The following AQP7B variants were observed in gnomAD, a reference collection of about 807,000 sequenced individuals.
AQP7B encodes the protein aquaporin 7B.
chr2:94,590,552 G>A, the AQP7B span, among the ~76,000 whole-genome samples: 12 of 152,062 alleles, frequency 7.9e-5, no homozygotes, highest in Non-Finnish European at 1.5e-4. Flanking sequence ...GTGGTTAGTT[G>A]GATAGTTTAT....
At chr2:94,588,989 T>C in the AQP7B span, among the ~76,000 whole-genome samples, 5 of 149,296 alleles carry the variant, frequency 3.3e-5, no homozygotes, top group Admixed American at 1.3e-4. Context: ...TTTTCTTTTT[T>C]TTTTTTTTTT....
chr2:94,595,565 T>C, the AQP7B span, among the ~76,000 whole-genome samples: 2 of 151,846 alleles, frequency 1.3e-5, no homozygotes, highest in African/African-American at 4.8e-5. Context: ...ATGATCAGAT[T>C]TGGATTTTAA....
At chr2:94,598,835 C>G in the AQP7B span, among the ~76,000 whole-genome samples, 6 of 152,162 alleles carry the variant, frequency 3.9e-5, no homozygotes, top group Non-Finnish European at 7.3e-5. Context: ...GAGACAGAGT[C>G]TGACCCTGTT....
the AQP7B span, among the ~76,000 whole-genome samples, chr2:94,597,862 C>T: frequency 1.3e-5 from 2 of 152,140 alleles, no homozygotes; most frequent in African/African-American, 4.8e-5. Flanking sequence ...ACCTCGGCCT[C>T]CCAAAGTGCT....
chr2:94,598,499 C>A, the AQP7B span, among the ~76,000 whole-genome samples: 3 of 152,126 alleles, frequency 2.0e-5, no homozygotes, highest in Non-Finnish European at 2.9e-5. Flanking sequence ...GGTTGTAGAT[C>A]ACATGCTATG....
At chr2:94,603,834 C>G in the AQP7B span, 215 of 1,470,750 alleles carry the variant, frequency 1.5e-4, no homozygotes, top group Non-Finnish European at 1.8e-4. Flanking sequence ...TCAGGGTGTC[C>G]CATGGCATAA....
At chr2:94,590,643 G>T in the AQP7B span, among the ~76,000 whole-genome samples, 1 of 152,032 alleles carries the variant, frequency 6.6e-6, no homozygotes, top group Non-Finnish European at 1.5e-5. Flanking sequence ...TGATAGGTTA[G>T]TCAAAGGGTT....
At chr2:94,601,318 A>T in the AQP7B span, among the ~76,000 whole-genome samples, 1 of 152,186 alleles carries the variant, frequency 6.6e-6, no homozygotes, top group Non-Finnish European at 1.5e-5. Flanking sequence ...GGGAACATAG[A>T]GTGAGGAGCA....
At chr2:94,603,916 A>T in the AQP7B span, 2 of 1,293,236 alleles carry the variant, frequency 1.5e-6, no homozygotes, top group Admixed American at 3.5e-5. Flanking sequence ...TGGCTGGGGC[A>T]AACAGGTCTT....
At chr2:94,598,928 G>C in the AQP7B span, among the ~76,000 whole-genome samples, 1 of 152,042 alleles carries the variant, frequency 6.6e-6, no homozygotes, top group African/African-American at 2.4e-5. Flanking sequence ...TCAGCCTCCC[G>C]AGTAGCTGGG....
At chr2:94,595,588 G>C in the AQP7B span, among the ~76,000 whole-genome samples, 4 of 152,082 alleles carry the variant, frequency 2.6e-5, no homozygotes, top group Non-Finnish European at 5.9e-5. Flanking sequence ...GTAATTTTGG[G>C]TGCAGTGTGG....
chr2:94,603,162 A>G, the AQP7B span: 1 of 1,517,632 alleles, frequency 6.6e-7, no homozygotes, highest in Non-Finnish European at 9.0e-7. Flanking sequence ...CACCATCTAC[A>G]GTCTCTTCTA....
the AQP7B span, among the ~76,000 whole-genome samples, chr2:94,600,067 C>T: frequency 6.6e-5 from 10 of 151,654 alleles, no homozygotes; most frequent in Non-Finnish European, 7.4e-5. Flanking sequence ...TTAGTAGAGA[C>T]GGGGTTTTGT....
chr2:94,594,807 C>G, the AQP7B span: 1 of 1,569,234 alleles, frequency 6.4e-7, no homozygotes, highest in East Asian at 2.2e-5. Flanking sequence ...AAATATGGTG[C>G]GAGGAAGATG....
the AQP7B span, among the ~76,000 whole-genome samples, chr2:94,596,158 G>A: frequency 6.6e-6 from 1 of 152,244 alleles, no homozygotes; most frequent in Non-Finnish European, 1.5e-5. Flanking sequence ...GTGAGCACTG[G>A]CAAGAGGCCT....
At chr2:94,590,963 A>G in the AQP7B span, among the ~76,000 whole-genome samples, 3 of 151,310 alleles carry the variant, frequency 2.0e-5, no homozygotes, top group Non-Finnish European at 4.4e-5. Flanking sequence ...AAAAAAAAAA[A>G]AAAAAGAAAG....
the AQP7B span, chr2:94,603,294 C>A: frequency 5.5e-6 from 8 of 1,447,626 alleles, no homozygotes; most frequent in South Asian, 1.3e-5. Flanking sequence ...CCTTGGAGCT[C>A]CCCCACCCTC....
chr2:94,597,380 C>G, the AQP7B span, among the ~76,000 whole-genome samples: 1 of 152,174 alleles, frequency 6.6e-6, no homozygotes, highest in Non-Finnish European at 1.5e-5. Context: ...TGTTTCTCTT[C>G]CTTTTGTTGA....
the AQP7B span, among the ~76,000 whole-genome samples, chr2:94,600,305 T>A: frequency 6.6e-5 from 10 of 152,352 alleles, no homozygotes; most frequent in South Asian, 2.1e-3. Flanking sequence ...GGAAATACAA[T>A]GCAAACCATC....
Sources: gnomAD v4.1 joint callset for allele counts (sites outside exome capture counted in the v4.1 genomes callset) on GRCh38, gnomAD v4.1.1 for gene constraint, MANE v1.5 for transcripts, NCBI Gene and HGNC (gene_info 2026-07-23, HGNC 2026-07-21) for gene names.